Variants in SIGLEC11 observed in about 807,000 individuals in gnomAD.
SIGLEC11 encodes sialic acid binding Ig like lectin 11, also known as sialic acid-binding Ig-like lectin 11.
Under a neutral mutation model 61.2 loss-of-function variants are expected in SIGLEC11, and 47 were observed. The ratio of observed to expected loss-of-function variants is 0.77; its 90% CI spans 0.61 to 0.98. The LOEUF is 0.98. SIGLEC11 is among the 50% of genes least tolerant of loss of function. The probability of loss-of-function intolerance (pLI) is 0.00; values close to 1 mark genes in which losing one functional copy is unlikely to be tolerated. For synonymous variants in SIGLEC11, 278 were observed against 373.1 expected, an observed-to-expected ratio of 0.75 and a Z score of 2.94; for missense variants, 610 against 870.3, an observed-to-expected ratio of 0.70 and a Z score of 3.76.
In SIGLEC11 at chr19:49,949,435, T is replaced by A. The variant is rs2076143569; in HGVS notation, c.*535A>T. 2 of 152,134 alleles carry A rather than the reference T, an allele frequency of 1.3e-5. No homozygotes were observed. The highest frequency in any genetic ancestry group is 1.3e-4 in the Admixed American group (2 of 15,264). 9.4% of individuals were successfully genotyped at this position (152,134 alleles called of 1,614,324 possible). ...TGGCTTCTCGTTCTGGAGAGCACCC[T>A]GTGCCTCCTCTGCCTGGTTTCCTGT... On this transcript the variant is annotated 3_prime_UTR_variant, in exon 11 of 11. Coordinates refer to ENST00000447370, the MANE Select transcript of SIGLEC11 (RefSeq NM_052884.3).
In SIGLEC11 at chr19:49,959,809, C is replaced by CT; in HGVS notation, c.756dup (p.Asp253ArgfsTer9). 1.8e-6 allele frequency: 1 copy of CT among 546,986 alleles called. No individual in the cohort carries two copies. The highest frequency in any genetic ancestry group is 3.0e-5 in the East Asian group (1 of 33,868). The allele number at this position is 546,986 out of a possible 1,614,324, so 33.9% of individuals were successfully genotyped here. A position where few individuals can be genotyped will look rare whatever the true frequency, so the allele number is the denominator to read the frequency against. ...TCATGTGAAATGCTGATAATAAGGT[C>CT]TTTGGGGGCATCTGCAACAAGATTG... On this transcript the variant is annotated frameshift_variant, in exon 4 of 11. Coordinates refer to ENST00000447370, the MANE Select transcript of SIGLEC11 (RefSeq NM_052884.3). LOFTEE classifies it high-confidence loss of function.
At chr19:49,960,034 T>C in intron 3 of SIGLEC11, 103 bp downstream of exon 3, 1 of 1,390,196 alleles carries the variant, frequency 7.2e-7, no homozygotes, top group Non-Finnish European at 9.9e-7. Context: ...TTCCTCTCCC[T>C]GGATGCTCCT....
At position 49,958,936 on chromosome 19, in the gene SIGLEC11, A is replaced by T. The variant is rs542660407; in HGVS notation, c.1106-36T>A. ...AAGAGGCAGAATCGACGTGCAGCTC[A>T]GGGCTCAGGGACCCTCCTGTGTGGG... On this transcript the variant is annotated intron_variant, in intron 6 of 10. Coordinates refer to ENST00000447370, the MANE Select transcript of SIGLEC11 (RefSeq NM_052884.3). 3.9e-5 allele frequency: 63 copies of T among 1,609,172 alleles called. No individual in the cohort carries two copies. The East Asian group carries it at 9.8e-4, about 25-fold the overall frequency.
At chr19:49,957,655 T>C (rs770014471) in intron 8 of SIGLEC11, among the ~76,000 whole-genome samples, 76 of 152,222 alleles carry the variant, frequency 5.0e-4, no homozygotes, top group Non-Finnish European at 5.6e-4. Context: ...GGCCACAAGT[T>C]ATGCACTATA....
rs746081234 is a variant in SIGLEC11, at chr19:49,960,227, G to GGCT, written c.652_654dup (p.Ser218dup). On this transcript the variant is annotated inframe_insertion, in exon 3 of 11. Transcript: ENST00000447370. ...GTGAGGTCGGTGTCGTGGTCCTGGG[G>GGCT]GCTGGGCGTGAAGCTGAGCACTGAG... The GGCT allele has an allele frequency of 2.6e-6, 4 of 1,549,860 alleles. No individual in the cohort carries two copies. Among genetic ancestry groups the GGCT allele is most frequent in the Non-Finnish European group, 3.5e-6 (4 of 1,134,704 alleles).
intron 8 of SIGLEC11, among the ~76,000 whole-genome samples, chr19:49,957,174 G>T (rs778428910): frequency 6.6e-6 from 1 of 152,128 alleles, no homozygotes; most frequent in African/African-American, 2.4e-5. Flanking sequence ...GGCAATAGCA[G>T]CTAGGCAAAC....
At chr19:49,957,412 T>C (rs1006563585) in intron 8 of SIGLEC11, among the ~76,000 whole-genome samples, 3 of 150,904 alleles carry the variant, frequency 2.0e-5, no homozygotes, top group African/African-American at 4.9e-5. Context: ...AAAACCCAAG[T>C]CTTTCTATGC....
At position 49,961,059 on chromosome 19, in the gene SIGLEC11, G is replaced by A. The variant is rs2076244377; in HGVS notation, c.23C>T (p.Pro8Leu). 7.9e-7 allele frequency: 1 copy of A among 1,270,594 alleles called. No homozygotes were observed. The highest frequency in any genetic ancestry group is 1.1e-6 in the Non-Finnish European group (1 of 923,032). 78.7% of individuals were successfully genotyped at this position (1,270,594 alleles called of 1,614,324 possible). ...CAGCAGCAGCATCTCTGGGCTCTGG[G>A]GCTGGGCCTGTCCCGGGACCATCTG... MVPGQAQ[P>L]QSPEMLLLPL... Residue 8 changes from proline (P) to leucine (L), a missense_variant, in exon 1 of 11, where the codon CCC becomes CTC. This residue lies in a region of SIGLEC11 where 27 missense variants were observed against 96.0 expected (regional missense o/e 0.28). Coordinates refer to ENST00000447370, the MANE Select transcript of SIGLEC11 (RefSeq NM_052884.3).
In SIGLEC11 at chr19:49,951,873, C is replaced by T; in HGVS notation, c.1830+18G>A. ...GGGGAACAGGCAGGGCCCCAGCAGA[C>T]AGAGGCTGGGCTCTCACCTGGGAGA... is the stretch of plus-strand genomic sequence containing the variant. On this transcript the variant is annotated intron_variant, in intron 10 of 10. Transcript: ENST00000447370. This position sits in a 1 kb window ranked among gnomAD's most constrained non-coding sequence, Gnocchi z 4.6. 4 of 1,571,458 alleles carry T rather than the reference C, an allele frequency of 2.5e-6. No homozygotes were observed. Among genetic ancestry groups the T allele is most frequent in the Non-Finnish European group, 3.4e-6 (4 of 1,159,834 alleles).
intron 7 of SIGLEC11, 27 bp downstream of exon 7, chr19:49,958,616 C>G: frequency 6.4e-7 from 1 of 1,568,334 alleles, no homozygotes; most frequent in South Asian, 1.2e-5. Flanking sequence ...CTTCCTGGGA[C>G]CCAGGTGTCC....
intron 8 of SIGLEC11, among the ~76,000 whole-genome samples, chr19:49,956,745 G>A (rs77620599): frequency 1.1e-3 from 161 of 152,200 alleles, no homozygotes; most frequent in Middle Eastern, 3.4e-3. Context: ...ATGCTTAACC[G>A]CATCATAAGG....
At position 49,955,973 on chromosome 19, in the gene SIGLEC11, C is replaced by A. The variant is rs928096121; in HGVS notation, c.1651+2310G>T. Among the ~76,000 whole-genome samples, 1 of 151,448 alleles carries A rather than the reference C, an allele frequency of 6.6e-6. No homozygotes were observed. The highest frequency in any genetic ancestry group is 2.4e-5 in the African/African-American group (1 of 41,120). Reference sequence around the variant, plus strand: ...AAAAGAACTTGTACTTATGGCCGGGCGCAGTGGCTCACACCTGTAATCCTG... The same window carrying A: ...AAAAGAACTTGTACTTATGGCCGGGAGCAGTGGCTCACACCTGTAATCCTG... On this transcript the variant is annotated intron_variant, in intron 8 of 10. Transcript: ENST00000447370. The surrounding 1 kb of genome is among the most constrained non-coding windows in gnomAD (Gnocchi z 4.5).
At position 49,955,934 on chromosome 19, in the gene SIGLEC11, CAAAA is replaced by C. The variant is rs55957420; in HGVS notation, c.1651+2345_1651+2348del. Among the ~76,000 whole-genome samples the C allele has an allele frequency of 6.5e-5, 6 of 91,604 alleles. No homozygotes were observed. Among genetic ancestry groups the C allele is most frequent in the Non-Finnish European group, 2.5e-5 (1 of 40,718 alleles). The allele number at this position is 91,604 out of a possible 152,430, so 60.1% of individuals were successfully genotyped here. A position where few individuals can be genotyped will look rare whatever the true frequency, so the allele number is the denominator to read the frequency against. The stretch of plus-strand genomic sequence containing the variant: ...AGGGCAACAGAGCGAGACTCCGTCT[CAAAA>C]AAAAAAAAAAAAAGAACTTGTACTT... On this transcript the variant is annotated intron_variant, in intron 8 of 10. Coordinates refer to ENST00000447370, the MANE Select transcript of SIGLEC11 (RefSeq NM_052884.3). The surrounding 1 kb of genome is among the most constrained non-coding windows in gnomAD (Gnocchi z 4.5).
At chr19:49,958,127 C>T (rs1298394531) in intron 8 of SIGLEC11, among the ~76,000 whole-genome samples, 156 bp downstream of exon 8, 1 of 152,208 alleles carries the variant, frequency 6.6e-6, no homozygotes, top group Admixed American at 6.5e-5. Context: ...CTCTCCGTTC[C>T]TCAGTTTCCC....
At chr19:49,954,709 C>G (rs562737694) in intron 8 of SIGLEC11, among the ~76,000 whole-genome samples, 2 of 152,252 alleles carry the variant, frequency 1.3e-5, no homozygotes, top group East Asian at 3.9e-4. Context: ...GGCAGCTTTT[C>G]CTAACGTTAT....
In SIGLEC11 at chr19:49,949,332, C is replaced by T. The variant is rs2076142823; in HGVS notation, c.*638G>A. The T allele has an allele frequency of 6.6e-6, 1 of 151,116 alleles. No homozygotes were observed. Among genetic ancestry groups the T allele is most frequent in the Non-Finnish European group, 1.5e-5 (1 of 67,860 alleles). The allele number at this position is 151,116 out of a possible 1,614,324, so 9.4% of individuals were successfully genotyped here. A position where few individuals can be genotyped will look rare whatever the true frequency, so the allele number is the denominator to read the frequency against. On this transcript the variant is annotated 3_prime_UTR_variant, in exon 11 of 11. Coordinates refer to ENST00000447370, the MANE Select transcript of SIGLEC11 (RefSeq NM_052884.3). Reference sequence around the variant, plus strand: ...CAAATGGGAACCACTTGGACTTGGTCCTCTCACTCTCCCTCTTCTGAAGGA... The same window carrying T: ...CAAATGGGAACCACTTGGACTTGGTTCTCTCACTCTCCCTCTTCTGAAGGA...
In SIGLEC11 at chr19:49,952,342, G is replaced by A. The variant is rs145904036; in HGVS notation, c.1704C>T (p.Gly568=). 5.3e-4 allele frequency: 855 copies of A among 1,610,954 alleles called. 11 individuals are homozygous for A. The South Asian group carries it at 6.9e-3, about 13-fold the overall frequency. ...AACAGAAAGCGAGCAGGGCAGCGAC[G>A]CCAGCTCCCAGGGCAGCCCCCAGGC... is the stretch of plus-strand genomic sequence containing the variant. ...GLGLGAALGA[G]VAALLAFCSC... Residue 568 remains glycine, a synonymous_variant, in exon 9 of 11, where the codon GGC becomes GGT. Coordinates refer to ENST00000447370, the MANE Select transcript of SIGLEC11 (RefSeq NM_052884.3).
At position 49,952,197 on chromosome 19, in the gene SIGLEC11, C is replaced by G. The variant is rs1362143410; in HGVS notation, c.1748+101G>C. The G allele has an allele frequency of 4.7e-5, 60 of 1,289,966 alleles. No homozygotes were observed. The East Asian group carries it at 1.4e-3, about 30-fold the overall frequency. 79.9% of individuals were successfully genotyped at this position (1,289,966 alleles called of 1,614,324 possible). A position where few individuals can be genotyped will look rare whatever the true frequency, so the allele number is the denominator to read the frequency against. On this transcript the variant is annotated intron_variant, in intron 9 of 10. Coordinates refer to ENST00000447370, the MANE Select transcript of SIGLEC11 (RefSeq NM_052884.3). ...ATCCTCTTGCCCAAGGCCTAGTTCT[C>G]ACACCCACTGCCCCATCTAGATTCC... is the stretch of plus-strand genomic sequence containing the variant.
At position 49,950,187 on chromosome 19, in the gene SIGLEC11, G is replaced by A; in HGVS notation, c.1880C>T (p.Pro627Leu). The A allele has an allele frequency of 1.2e-6, 2 of 1,604,248 alleles. No homozygotes were observed. The highest frequency in any genetic ancestry group is 1.7e-6 in the Non-Finnish European group (2 of 1,177,142). The change falls in exon 11 of 11, where the codon CCA (proline) becomes CTA (leucine). Residue 627 changes from proline (P) to leucine (L), a missense_variant. Pro to Leu is a moderately conservative substitution (Grantham distance 98). This residue lies in a region of SIGLEC11 where 432 missense variants were observed against 441.5 expected (regional missense o/e 0.98). Transcript: ENST00000447370. ...SAGSSQDHPP[P>L]GAATYTPGKG... ...CCCCGGGGTGTAGGTGGCTGCACCT[G>A]GGGGCGGGTGGTCTTGGGAGCTGCC...
Sources: allele counts gnomAD v4.1 joint callset (sites outside exome capture counted in the v4.1 genomes callset), GRCh38; gene constraint gnomAD v4.1.1; regional missense constraint gnomAD v4.1.1; non-coding constraint Gnocchi (gnomAD v3.1); transcripts MANE v1.5; gene names NCBI Gene and HGNC (gene_info 2026-07-23, HGNC 2026-07-21).